ADGRG4: variants seen among roughly 807,000 people sequenced by gnomAD.
ADGRG4 encodes G protein-coupled receptor 112.
In ADGRG4, 122 loss-of-function variants were observed where a neutral mutation model predicts 126.2. The ratio of observed to expected loss-of-function variants is 0.97; its 90% confidence interval spans 0.83 to 1.12. The LOEUF is 1.12. ADGRG4 is among the 50% of genes most tolerant of loss of function. The pLI, the probability that ADGRG4 is intolerant of heterozygous loss-of-function variation, is 0.00. For missense variants in ADGRG4, 2,481 were observed against 2,251.8 expected (o/e 1.10, Z -2.06); for synonymous variants, 943 against 838.7 (o/e 1.12, Z -2.15).
chrX:136,357,883 T>C, intron 10 of ADGRG4, 127 bp downstream of exon 10: 1 of 484,323 alleles, frequency 2.1e-6, no homozygotes. Context: ...CCAGTGATTA[T>C]TTCACATATG....
In ADGRG4 at chrX:136,345,836, G is replaced by A; in HGVS notation, c.2130G>A (p.Glu710=). 8.3e-7 allele frequency: 1 copy of A among 1,210,716 alleles called. No individual in the cohort carries two copies. The highest frequency in any genetic ancestry group is 1.8e-5 in the South Asian group (1 of 56,863). The part of the protein sequence containing the change: ...TNITPLKASP[E]GKGTTANDAT... The stretch of plus-strand genomic sequence containing the variant: ...TCACCCCACTGAAAGCATCTCCAGA[G>A]GGCAAAGGTACCACTGCCAATGATG... The change falls in exon 6 of 26, where the codon GAG becomes GAA. Residue 710 remains glutamate, a synonymous_variant. Transcript: ENST00000394143.
chrX:136,379,015 G>A (rs1287084952), intron 15 of ADGRG4, among the ~76,000 whole-genome samples: 1 of 111,877 alleles, frequency 8.9e-6, no homozygotes, highest in Non-Finnish European at 1.9e-5. Flanking sequence ...AGTGAGTTGG[G>A]AAACGGTCCC....
intron 19 of ADGRG4, among the ~76,000 whole-genome samples, chrX:136,396,345 G>T: frequency 9.9e-6 from 1 of 101,213 alleles, no homozygotes; most frequent in Admixed American, 1.1e-4. Flanking sequence ...CTGTGGGTCT[G>T]TTTTATATTT....
intron 13 of ADGRG4, among the ~76,000 whole-genome samples, chrX:136,369,526 G>C (rs1351240391): frequency 3.6e-5 from 4 of 111,984 alleles, no homozygotes; most frequent in African/African-American, 1.3e-4. Flanking sequence ...TTGGCCTGCT[G>C]TTTACTTTCA....
rs2075093335 is a variant in ADGRG4, at chrX:136,356,259, G to A, written c.6927+94G>A. 5 of 554,816 alleles carry A rather than the reference G, an allele frequency of 9.0e-6. No individual in the cohort carries two copies. The South Asian group carries it at 2.8e-4, about 31-fold the overall frequency. The allele number at this position is 554,816 out of a possible 1,213,427, so 45.7% of individuals were successfully genotyped here. On this transcript the variant is annotated intron_variant, in intron 9 of 25. Transcript: ENST00000394143. ...TCTTCCACCCAAGTATATATTATCAGGCGAGGCTTTGTTGTGGCAATTGGG... is the reference window on the plus strand; with the variant it reads ...TCTTCCACCCAAGTATATATTATCAAGCGAGGCTTTGTTGTGGCAATTGGG...
In ADGRG4 at chrX:136,346,221, G is replaced by C. The variant is rs1569322882; in HGVS notation, c.2515G>C (p.Val839Leu). Residue 839 changes from valine (V) to leucine (L), a missense_variant, in exon 6 of 26, where the codon GTG becomes CTG. Coordinates refer to ENST00000394143, the MANE Select transcript of ADGRG4 (RefSeq NM_153834.4). ...AACAACACAAAGATTAAATGCCACT[G>C]TGACAAGAAAAGAAGCAACTTCCCA... Reference protein sequence around the residue: ...SATTQRLNATVTRKEATSHYL... With the variant: ...SATTQRLNATLTRKEATSHYL... The C allele has an allele frequency of 8.3e-7, 1 of 1,209,941 alleles. No homozygotes were observed. Among genetic ancestry groups the C allele is most frequent in the Non-Finnish European group, 1.1e-6 (1 of 894,721 alleles).
intron 5 of ADGRG4, among the ~76,000 whole-genome samples, chrX:136,339,354 A>G (rs888511297): frequency 1.8e-5 from 2 of 111,879 alleles, no homozygotes; most frequent in Non-Finnish European, 3.8e-5. Flanking sequence ...TGGGTTGGCA[A>G]AAACAATAGT....
At position 136,344,443 on chromosome X, in the gene ADGRG4, A is replaced by G. The variant is rs2074998056; in HGVS notation, c.737A>G (p.Gln246Arg). 8.4e-7 allele frequency: 1 copy of G among 1,187,082 alleles called. No homozygotes were observed. Among genetic ancestry groups the G allele is most frequent in the Non-Finnish European group, 1.1e-6 (1 of 877,150 alleles). ...IQEKSTTVSQ[Q>R]IDMTTPSQIT... ...GAAAAAAGTACAACTGTTTCACAAC[A>G]GATAGATATGACCACTCCATCCCAA... Residue 246 changes from glutamine (Q) to arginine (R), a missense_variant, in exon 6 of 26, where the codon CAG (glutamine) becomes CGG (arginine). By Grantham distance (43) the Gln-to-Arg change is conservative. Coordinates refer to ENST00000394143, the MANE Select transcript of ADGRG4 (RefSeq NM_153834.4).
intron 5 of ADGRG4, among the ~76,000 whole-genome samples, 171 bp from the exon 6 acceptor site, chrX:136,344,221 T>C (rs767343873): frequency 1.8e-5 from 2 of 111,591 alleles, no homozygotes; most frequent in African/African-American, 6.5e-5. Context: ...GAGTACCATA[T>C]AGAGGTCTTA....
intron 4 of ADGRG4, among the ~76,000 whole-genome samples, chrX:136,320,525 A>G (rs1360594801): frequency 8.9e-6 from 1 of 112,396 alleles, no homozygotes; most frequent in Non-Finnish European, 1.9e-5. Context: ...ATTTGTGCTT[A>G]GAAATAGTAA....
At chrX:136,328,216 G>A (rs79114823) in intron 5 of ADGRG4, among the ~76,000 whole-genome samples, 23,531 of 110,567 alleles carry the variant, frequency 0.21, 2,176 homozygotes, top group Admixed American at 0.31. Context: ...AAAGGGTATG[G>A]TATAATTTAT....
At chrX:136,411,146 T>A (rs1245207416) in intron 23 of ADGRG4, among the ~76,000 whole-genome samples, 1 of 111,325 alleles carries the variant, frequency 9.0e-6, no homozygotes, top group East Asian at 2.8e-4. Context: ...AACCTCCGCC[T>A]CCTGGGTTCA....
chrX:136,405,563 T>C, intron 22 of ADGRG4, 129 bp from the exon 23 acceptor site: 1 of 455,493 alleles, frequency 2.2e-6, no homozygotes. Flanking sequence ...ATGAGTGAAC[T>C]CTGTCCAGTT....
In ADGRG4 at chrX:136,301,499, A is replaced by G. The variant is rs776523310; in HGVS notation, c.-254+499A>G. Among the ~76,000 whole-genome samples, 9 of 111,865 alleles carry G rather than the reference A, an allele frequency of 8.0e-5. No homozygotes were observed. In the South Asian group the frequency reaches 3.0e-3, roughly 37 times the overall value. On this transcript the variant is annotated intron_variant, in intron 1 of 25. Coordinates refer to ENST00000394143, the MANE Select transcript of ADGRG4 (RefSeq NM_153834.4). ...ATTCTGGATATTAGCCCTTTGTCAG[A>G]TGGGTAGATTGTAAAAATTTTCTCT...
intron 21 of ADGRG4, 126 bp downstream of exon 21, chrX:136,400,242 G>A: frequency 1.8e-6 from 1 of 564,936 alleles, no homozygotes; most frequent in Non-Finnish European, 2.8e-6. Flanking sequence ...GTTTGGGCAT[G>A]CATCTTTTTT....
At chrX:136,315,141 G>A (rs1292803492) in intron 4 of ADGRG4, among the ~76,000 whole-genome samples, 2 of 110,262 alleles carry the variant, frequency 1.8e-5, no homozygotes, top group Non-Finnish European at 1.9e-5. Context: ...CTAAGGATTA[G>A]CCTGGTTACA....
intron 11 of ADGRG4, 33 bp from the exon 12 acceptor site, chrX:136,361,422 G>T: frequency 9.6e-7 from 1 of 1,041,386 alleles, no homozygotes; most frequent in Non-Finnish European, 1.3e-6. Context: ...AGTGCCTCTT[G>T]TCCTTTAAAA....
chrX:136,306,865 C>T (rs1170918778), intron 3 of ADGRG4, among the ~76,000 whole-genome samples: 1 of 110,803 alleles, frequency 9.0e-6, no homozygotes. Flanking sequence ...TAGGCATGCG[C>T]CACCATGCCC....
chrX:136,322,213 T>C (rs1444793957), intron 4 of ADGRG4, among the ~76,000 whole-genome samples: 1 of 111,329 alleles, frequency 9.0e-6, no homozygotes, highest in Non-Finnish European at 1.9e-5. Context: ...GTCCCAGAGT[T>C]TCAGTATCGC....
Sources: allele counts gnomAD v4.1 joint callset (sites outside exome capture counted in the v4.1 genomes callset), GRCh38; gene constraint gnomAD v4.1.1; transcripts MANE v1.5; gene names NCBI Gene and HGNC (gene_info 2026-07-23, HGNC 2026-07-21).